The following COL28A1 variants were observed in gnomAD, a reference collection of about 807,000 sequenced individuals.
COL28A1 encodes collagen type XXVIII alpha 1 chain, also known as collagen alpha-1(XXVIII) chain.
A neutral mutation model predicts 150.2 loss-of-function variants in COL28A1; 161 were observed. That is an observed-to-expected ratio of 1.07 (90% CI 0.94 to 1.22). The LOEUF is 1.22. COL28A1 is among the 50% of genes most tolerant of loss of function. COL28A1 has a pLI of 0.00. For synonymous variants in COL28A1, 552 were observed against 469.7 expected (o/e 1.18, Z -2.26); for missense variants, 1,617 against 1,388.3 (o/e 1.16, Z -2.62).
At chr7:7,491,434 CTCCTGG>C (rs1779909141) in intron 11 of COL28A1, among the ~76,000 whole-genome samples, 1 of 152,220 alleles carries the variant, frequency 6.6e-6, no homozygotes, top group Non-Finnish European at 1.5e-5. Flanking sequence ...AGAGGCCTGG[CTCCTGG>C]ATACCCTCAA....
rs185940082 is a variant in COL28A1, at chr7:7,496,626, G to A, written c.1027-5980C>T. ...AGCTGAGAAAACCGACTAACACTCC[G>A]TATCCCTGGCACTGATTCTAACCAA... is the stretch of plus-strand genomic sequence containing the variant. On this transcript the variant is annotated intron_variant, in intron 11 of 34. Coordinates refer to ENST00000399429, the MANE Select transcript of COL28A1 (RefSeq NM_001037763.3). Among the ~76,000 whole-genome samples, 92 of 152,186 alleles carry A rather than the reference G, an allele frequency of 6.0e-4. No homozygotes were observed. The East Asian group carries it at 0.013, about 22-fold the overall frequency.
At chr7:7,521,879 T>G in intron 5 of COL28A1, 26 bp downstream of exon 5, 2 of 916,278 alleles carry the variant, frequency 2.2e-6, no homozygotes, top group Non-Finnish European at 3.7e-6. Flanking sequence ...CTTTCTGACT[T>G]AAGTTCAAAG....
upstream of COL28A1, among the ~76,000 whole-genome samples, chr7:7,536,018 T>C (rs2115279266): frequency 6.6e-6 from 1 of 152,332 alleles, no homozygotes; most frequent in South Asian, 2.1e-4. Flanking sequence ...TGAGACTGTG[T>C]TTTCCAGACT....
At position 7,428,251 on chromosome 7, in the gene COL28A1, T is replaced by G. The variant is rs1031914761; in HGVS notation, c.1998+4222A>C. ...GTCCTAACCCCAAATCCAGGTTAGA[T>G]CTCCTCTGTGCAAAGATTAGGCTAA... On this transcript the variant is annotated intron_variant, in intron 25 of 34. Coordinates refer to ENST00000399429, the MANE Select transcript of COL28A1 (RefSeq NM_001037763.3). Among the ~76,000 whole-genome samples, 3 of 152,166 alleles carry G rather than the reference T, an allele frequency of 2.0e-5. No homozygotes were observed. In the East Asian group the frequency reaches 5.8e-4, roughly 29 times the overall value.
At chr7:7,473,885 G>T (rs1286905586) in intron 15 of COL28A1, among the ~76,000 whole-genome samples, 1 of 150,534 alleles carries the variant, frequency 6.6e-6, no homozygotes, top group Non-Finnish European at 1.5e-5. Context: ...TATATAGTGT[G>T]TGTTTGTTTA....
the COL28A1 span, among the ~76,000 whole-genome samples, chr7:7,345,035 G>A: frequency 6.6e-6 from 1 of 151,724 alleles, no homozygotes; most frequent in Non-Finnish European, 1.5e-5. Context: ...CCTTTCGCCT[G>A]AAGAGGTGTC....
chr7:7,480,941 A>G lies in COL28A1; in HGVS notation c.1165-3761T>C, dbSNP rs181676987. On this transcript the variant is annotated intron_variant, in intron 13 of 34. Coordinates refer to ENST00000399429, the MANE Select transcript of COL28A1 (RefSeq NM_001037763.3). ...GTTGATAATAATAGTATCTACCTCA[A>G]CCACAAGTGTTCATGTAAGGATTAA... Among the ~76,000 whole-genome samples, 106 of 152,330 alleles carry G rather than the reference A, an allele frequency of 7.0e-4. 1 individual carries two copies. The highest frequency in any genetic ancestry group is 1.1e-3 in the Non-Finnish European group (78 of 68,024).
chr7:7,472,300 T>C (rs1360268629), intron 15 of COL28A1, among the ~76,000 whole-genome samples: 2 of 152,114 alleles, frequency 1.3e-5, no homozygotes, highest in Non-Finnish European at 2.9e-5. Context: ...GCTCCTAGAA[T>C]TGATAAAAGA....
intron 34 of COL28A1, among the ~76,000 whole-genome samples, chr7:7,360,147 G>C (rs943684110): frequency 1.3e-5 from 2 of 152,090 alleles, no homozygotes; most frequent in Non-Finnish European, 2.9e-5. Context: ...TAATAAATAA[G>C]AACTTTGAAA....
intron 18 of COL28A1, among the ~76,000 whole-genome samples, chr7:7,447,171 G>C (rs1459624265): frequency 2.0e-5 from 3 of 152,186 alleles, no homozygotes; most frequent in Admixed American, 6.5e-5. Flanking sequence ...TTAAAAGCAA[G>C]ACCCAAATGG....
intron 15 of COL28A1, among the ~76,000 whole-genome samples, chr7:7,460,673 C>A (rs540649179): frequency 6.6e-6 from 1 of 152,216 alleles, no homozygotes; most frequent in Non-Finnish European, 1.5e-5. Context: ...TAAGCCACTG[C>A]GCCCGGCCAA....
Position 7,419,901 on chromosome 7 carries a change from C to T in COL28A1, c.2051G>A (p.Gly684Glu), listed in dbSNP as rs773302073. 1 of 1,600,506 alleles carries T rather than the reference C, an allele frequency of 6.2e-7. No individual in the cohort carries two copies. The highest frequency in any genetic ancestry group is 8.5e-7 in the Non-Finnish European group (1 of 1,173,954). ...PPGPSGPRGV[G>E]TQGPKGDTGQ... Reference sequence around the variant, plus strand: ...AGGACTCACCTTTGGCCCTTGGGTTCCTACGCCCCGAGGCCCAGAAGGACC... The same window carrying T: ...AGGACTCACCTTTGGCCCTTGGGTTTCTACGCCCCGAGGCCCAGAAGGACC... Residue 684 changes from glycine (G) to glutamate (E), a missense_variant, in exon 26 of 35, where the codon GGA (glycine) becomes GAA (glutamate). Transcript: ENST00000399429.
chr7:7,418,744 C>CA (rs202180349), intron 26 of COL28A1, among the ~76,000 whole-genome samples: 1,745 of 142,262 alleles, frequency 0.012, 28 homozygotes, highest in African/African-American at 0.041. Context: ...CTGCCCATTG[C>CA]AAAAAAAAAA....
chr7:7,506,020 GC>G lies in COL28A1; in HGVS notation c.1019del (p.Gly340AlafsTer98). The G allele has an allele frequency of 7.2e-7, 1 of 1,385,632 alleles. No individual in the cohort carries two copies. The highest frequency in any genetic ancestry group is 1.0e-6 in the Non-Finnish European group (1 of 971,474). 85.8% of individuals were successfully genotyped at this position (1,385,632 alleles called of 1,614,324 possible). On this transcript the variant is annotated frameshift_variant, in exon 11 of 35. Coordinates refer to ENST00000399429, the MANE Select transcript of COL28A1 (RefSeq NM_001037763.3). LOFTEE classifies it high-confidence loss of function. ...AATCAAAGGGTAAGATTACCTTATT[GC>G]CTTGAAACCCCTTTGGGCCTGGGTC... ...PGDPGPKGFQ[G>X]NKGEPGPPGP...
At chr7:7,342,243 A>T in the COL28A1 span, among the ~76,000 whole-genome samples, 1 of 152,088 alleles carries the variant, frequency 6.6e-6, no homozygotes, top group East Asian at 1.9e-4. Context: ...TCTGACTTCA[A>T]TATAACTACA....
chr7:7,438,773 T>A (rs1368571822), intron 21 of COL28A1, among the ~76,000 whole-genome samples: 2 of 152,216 alleles, frequency 1.3e-5, no homozygotes, highest in African/African-American at 4.8e-5. Context: ...GGGTTTATAA[T>A]CAAAACAGTT....
At chr7:7,377,171 A>G (rs1211555700) in intron 30 of COL28A1, among the ~76,000 whole-genome samples, 1 of 152,208 alleles carries the variant, frequency 6.6e-6, no homozygotes, top group East Asian at 1.9e-4. Context: ...TATCAAGGTT[A>G]GATTTTAATT....
the COL28A1 span, among the ~76,000 whole-genome samples, chr7:7,341,281 C>G: frequency 6.6e-6 from 1 of 152,172 alleles, no homozygotes; most frequent in African/African-American, 2.4e-5. Flanking sequence ...AAAGAGTCAA[C>G]TTCACTGATC....
chr7:7,356,775 A>G (rs2128276007), downstream of COL28A1: 2 of 152,280 alleles, frequency 1.3e-5, no homozygotes, highest in Non-Finnish European at 2.9e-5. Flanking sequence ...CAGCACACCA[A>G]CATGGCACAT....
Sources: gnomAD v4.1 joint callset for allele counts (sites outside exome capture counted in the v4.1 genomes callset) on GRCh38, gnomAD v4.1.1 for gene constraint, MANE v1.5 for transcripts, NCBI Gene and HGNC (gene_info 2026-07-23, HGNC 2026-07-21) for gene names.